Variants in CORO2B observed in about 807,000 individuals in gnomAD.
CORO2B encodes the protein coronin-2B.
A neutral mutation model predicts 58.8 loss-of-function variants in CORO2B; 26 were observed. That is an observed-to-expected ratio of 0.44 (90% CI 0.32 to 0.61). The LOEUF (loss-of-function observed/expected upper bound fraction) is 0.61. Among genes scored for constraint, CORO2B ranks in the 20% least tolerant of loss-of-function variants. CORO2B has a pLI of 0.04. For missense variants in CORO2B, 460 were observed against 645.1 expected (o/e 0.71, Z 3.11); for synonymous variants, 242 against 253.8 (o/e 0.95, Z 0.44).
chr15:68,554,032 A>G, the CORO2B span, among the ~76,000 whole-genome samples: 2 of 152,228 alleles, frequency 1.3e-5, no homozygotes, highest in East Asian at 3.9e-4. Context: ...GAGGCTGAGC[A>G]GTAGTCCAGA....
the CORO2B span, among the ~76,000 whole-genome samples, chr15:68,518,649 A>G: frequency 6.6e-6 from 1 of 152,120 alleles, no homozygotes; most frequent in African/African-American, 2.4e-5. Context: ...CCTTCTGGGC[A>G]TAGCTTTGGC....
At chr15:68,566,807 A>T in the CORO2B span, among the ~76,000 whole-genome samples, 1 of 152,178 alleles carries the variant, frequency 6.6e-6, no homozygotes, top group Non-Finnish European at 1.5e-5. Context: ...AGGCCCAGGG[A>T]TGGCCTCCCT....
the CORO2B span, among the ~76,000 whole-genome samples, chr15:68,565,410 T>C: frequency 5.9e-5 from 9 of 151,922 alleles, no homozygotes; most frequent in Non-Finnish European, 7.4e-5. Flanking sequence ...CATGTGGATG[T>C]ATGTTGCCTG....
the CORO2B span, among the ~76,000 whole-genome samples, chr15:68,545,798 C>T: frequency 2.0e-5 from 3 of 152,138 alleles, no homozygotes; most frequent in South Asian, 4.1e-4. Context: ...GGGGGTACCC[C>T]GGGGATGGCA....
chr15:68,723,025 C>T (rs1893200586), intron 11 of CORO2B, among the ~76,000 whole-genome samples: 1 of 151,618 alleles, frequency 6.6e-6, no homozygotes, highest in Non-Finnish European at 1.5e-5. Context: ...GGATATTGCA[C>T]CATTGCACTC....
the CORO2B span, among the ~76,000 whole-genome samples, chr15:68,524,289 T>C: frequency 6.6e-6 from 1 of 152,210 alleles, no homozygotes; most frequent in Non-Finnish European, 1.5e-5. Flanking sequence ...CTGACACAAG[T>C]TACTTTATTG....
chr15:68,678,946 T>C (rs1222462244), intron 2 of CORO2B, among the ~76,000 whole-genome samples: 1 of 152,178 alleles, frequency 6.6e-6, no homozygotes, highest in Non-Finnish European at 1.5e-5. Flanking sequence ...TGTGTTCCCC[T>C]CCCTGCCCCT....
intron 2 of CORO2B, among the ~76,000 whole-genome samples, chr15:68,685,358 G>A (rs556579356): frequency 1.3e-3 from 193 of 152,254 alleles, no homozygotes; most frequent in African/African-American, 4.3e-3. Flanking sequence ...TTACAGGCAC[G>A]TGTCACCACA....
chr15:68,527,026 A>G, the CORO2B span, among the ~76,000 whole-genome samples: 1 of 152,170 alleles, frequency 6.6e-6, no homozygotes, highest in Admixed American at 6.5e-5. Context: ...CAGAGAGAAA[A>G]GGCCGTGGGA....
intron 3 of CORO2B, among the ~76,000 whole-genome samples, chr15:68,701,478 A>ATTTTTTTTTTTTTTTT: frequency 2.6e-5 from 1 of 38,828 alleles, no homozygotes; most frequent in Non-Finnish European, 4.5e-5. Flanking sequence ...CGCCCGGCTA[A>ATTTTTTTTTTTTTTTT]TTTTTTTTTT....
chr15:68,545,618 G>GGGGGGGC, the CORO2B span, among the ~76,000 whole-genome samples: 1 of 149,744 alleles, frequency 6.7e-6, no homozygotes, highest in African/African-American at 2.5e-5. Context: ...GGGGCGGGGG[G>GGGGGGGC]GGTAATACTG....
chr15:68,586,917 CTT>C (rs1300571071), intron 1 of CORO2B, among the ~76,000 whole-genome samples: 1 of 152,154 alleles, frequency 6.6e-6, no homozygotes, highest in Non-Finnish European at 1.5e-5. Context: ...CAAAAGGAAA[CTT>C]TGCTCTGGCA....
At chr15:68,571,032 A>G in the CORO2B span, among the ~76,000 whole-genome samples, 112,122 of 152,052 alleles carry the variant, frequency 0.74, 41,638 homozygotes, top group East Asian at 0.87. Flanking sequence ...TGCGAAGGAA[A>G]CAGAGAGGAG....
chr15:68,526,167 C>T, the CORO2B span, among the ~76,000 whole-genome samples: 8 of 152,114 alleles, frequency 5.3e-5, no homozygotes, highest in Non-Finnish European at 1.2e-4. Context: ...ATCCACTCAC[C>T]AGTTTATGCA....
chr15:68,592,003 G>T (rs1014355473), intron 1 of CORO2B, among the ~76,000 whole-genome samples: 8 of 152,160 alleles, frequency 5.3e-5, no homozygotes, highest in Non-Finnish European at 1.2e-4. Context: ...GCTGGGTGCA[G>T]AAGTGAGCTT....
chr15:68,656,695 G>A (rs1030565559), intron 2 of CORO2B, among the ~76,000 whole-genome samples: 1 of 152,190 alleles, frequency 6.6e-6, no homozygotes, highest in African/African-American at 2.4e-5. Context: ...CCAGTGATTA[G>A]GGGTGCAGGG....
intron 4 of CORO2B, 69 bp from the exon 5 acceptor site, chr15:68,711,473 G>A (rs935935947): frequency 7.0e-7 from 1 of 1,438,738 alleles, no homozygotes; most frequent in Non-Finnish European, 9.5e-7. Flanking sequence ...AGTCAAGTGT[G>A]CACTGGGGAC....
At chr15:68,574,311 G>A (rs1191709971), upstream of CORO2B, among the ~76,000 whole-genome samples, 2 of 152,202 alleles carry the variant, frequency 1.3e-5, no homozygotes, top group Non-Finnish European at 2.9e-5. Flanking sequence ...TGGCATAAGC[G>A]AGGCAGGCAG....
intron 3 of CORO2B, among the ~76,000 whole-genome samples, chr15:68,698,122 A>G (rs750429162): frequency 1.3e-5 from 2 of 152,186 alleles, no homozygotes; most frequent in Non-Finnish European, 2.9e-5. Context: ...GCCACCCCCA[A>G]ACTGAGGGTT....
Sources: gnomAD v4.1 joint callset for allele counts (sites outside exome capture counted in the v4.1 genomes callset) on GRCh38, gnomAD v4.1.1 for gene constraint, MANE v1.5 for transcripts, NCBI Gene and HGNC (gene_info 2026-07-23, HGNC 2026-07-21) for gene names.